The following CELF2 variants were observed in gnomAD, a reference collection of about 807,000 sequenced individuals.
The protein encoded by CELF2 is CUGBP Elav-like family member 2.
CELF2 carries 8 observed loss-of-function variants against 62.6 expected under a neutral mutation model. The observed-to-expected ratio is 0.13, with a 90% CI of 0.07 to 0.23. The LOEUF (loss-of-function observed/expected upper bound fraction) is 0.23, where lower values mean the gene tolerates loss of function less well. Ranked by LOEUF, CELF2 falls within the 10% of genes least tolerant of loss-of-function variation. The pLI is 1.00. For missense variants in CELF2, 333 were observed against 671.0 expected (o/e 0.50, Z 5.56); for synonymous variants, 258 against 250.0 (o/e 1.03, Z -0.30).
chr10:11,107,680 T>C (rs2399630), intron 1 of CELF2, among the ~76,000 whole-genome samples: 84,287 of 151,432 alleles, frequency 0.56, 24,198 homozygotes, highest in East Asian at 0.85. Context: ...ATCCGGTCCA[T>C]GTGTCACTTC....
intron 4 of CELF2, among the ~76,000 whole-genome samples, chr10:11,253,668 A>T (rs1239685098): frequency 2.0e-5 from 3 of 152,044 alleles, no homozygotes; most frequent in South Asian, 2.1e-4. Context: ...TTTTTTTTTT[A>T]AATGAAGTTT....
intron 1 of CELF2, among the ~76,000 whole-genome samples, chr10:10,858,411 C>T (rs1378817613): frequency 6.6e-6 from 1 of 152,164 alleles, no homozygotes; most frequent in Non-Finnish European, 1.5e-5. Context: ...TAGCGCATCA[C>T]ATGACCTAGG....
At chr10:11,116,633 G>T (rs140332949) in intron 1 of CELF2, among the ~76,000 whole-genome samples, 22 of 152,348 alleles carry the variant, frequency 1.4e-4, no homozygotes, top group African/African-American at 5.3e-4. Flanking sequence ...GTTCAGCGAA[G>T]TTGGTTGGAT....
chr10:11,320,956 G>A (rs2095409316), intron 10 of CELF2: 2 of 1,537,030 alleles, frequency 1.3e-6, no homozygotes, highest in Middle Eastern at 1.7e-4. Flanking sequence ...TCGTGCCACA[G>A]TGCATTTGAA....
At chr10:10,607,660 A>G in the CELF2 span, among the ~76,000 whole-genome samples, 4 of 152,352 alleles carry the variant, frequency 2.6e-5, no homozygotes, top group Admixed American at 2.6e-4. Context: ...GAGAAATAGA[A>G]AATGTAAAAT....
chr10:10,996,439 G>A (rs745322959), intron 2 of CELF2, among the ~76,000 whole-genome samples: 2 of 152,158 alleles, frequency 1.3e-5, no homozygotes, highest in African/African-American at 4.8e-5. Context: ...CTCTGTCCCC[G>A]CCTCCTTTCT....
rs527485788 is a variant in CELF2, at chr10:10,978,034, GT to G, written c.89+58041del. On this transcript the variant is annotated intron_variant, in intron 2 of 13. Coordinates refer to the CELF2 transcript ENST00000636488. ...GTGTTTTGGGTTTGGGTTTTTTTTT[GT>G]TTTTTGTTTTTTTTTTTCCAGAGAA... 8.2e-5 allele frequency among the ~76,000 whole-genome samples: 10 copies of G among 121,774 alleles called. 1 individual carries two copies. Among genetic ancestry groups the G allele is most frequent in the African/African-American group, 3.1e-4 (9 of 29,244 alleles). 79.9% of individuals were successfully genotyped at this position (121,774 alleles called of 152,430 possible).
At chr10:10,666,880 GAAA>G in the CELF2 span, among the ~76,000 whole-genome samples, 2 of 66,626 alleles carry the variant, frequency 3.0e-5, no homozygotes, top group Non-Finnish European at 5.6e-5. Context: ...AAAAAAAAAA[GAAA>G]AAAAAAAAGA....
At chr10:10,551,372 T>G in the CELF2 span, among the ~76,000 whole-genome samples, 81 of 152,212 alleles carry the variant, frequency 5.3e-4, no homozygotes, top group African/African-American at 1.9e-3. Flanking sequence ...GCATATCCTT[T>G]AGCCAGGAGA....
chr10:10,795,941 C>T (rs1028673960), upstream of CELF2, among the ~76,000 whole-genome samples: 5 of 152,132 alleles, frequency 3.3e-5, no homozygotes, highest in African/African-American at 4.8e-5. Flanking sequence ...CCATCCCTAT[C>T]CTGATCCTAA....
chr10:10,700,225 C>A, the CELF2 span, among the ~76,000 whole-genome samples: 2 of 152,072 alleles, frequency 1.3e-5, no homozygotes, highest in Non-Finnish European at 2.9e-5. Flanking sequence ...ATAAGAGACC[C>A]AATACAGGAA....
the CELF2 span, among the ~76,000 whole-genome samples, chr10:10,792,039 G>GAGAGAGGGAGGAAGGAAGGAGGA: frequency 6.9e-6 from 1 of 145,544 alleles, no homozygotes; most frequent in Non-Finnish European, 1.5e-5. Flanking sequence ...AGGAAGGAGG[G>GAGAGAGGGAGGAAGGAAGGAGGA]AGAGAGGGAG....
At chr10:10,670,256 C>T in the CELF2 span, among the ~76,000 whole-genome samples, 1 of 152,188 alleles carries the variant, frequency 6.6e-6, no homozygotes, top group East Asian at 1.9e-4. Flanking sequence ...GAATTAAACT[C>T]AACTGATTTT....
chr10:10,970,315 C>A (rs1240499439), intron 2 of CELF2, among the ~76,000 whole-genome samples: 1 of 152,166 alleles, frequency 6.6e-6, no homozygotes, highest in Admixed American at 6.5e-5. Flanking sequence ...GATCCGCCCA[C>A]CTCAGCCTCC....
intron 3 of CELF2, among the ~76,000 whole-genome samples, chr10:11,239,622 C>T (rs1280727497): frequency 6.6e-6 from 1 of 152,212 alleles, no homozygotes; most frequent in Non-Finnish European, 1.5e-5. Context: ...TTTATTTCCA[C>T]TGTAGTTTTT....
At chr10:10,655,072 A>G in the CELF2 span, among the ~76,000 whole-genome samples, 1 of 150,350 alleles carries the variant, frequency 6.7e-6, no homozygotes, top group Non-Finnish European at 1.5e-5. Flanking sequence ...TTATACACCA[A>G]CAACAGACAA....
At chr10:11,187,125 C>T (rs2075152464) in intron 2 of CELF2, among the ~76,000 whole-genome samples, 1 of 152,120 alleles carries the variant, frequency 6.6e-6, no homozygotes, top group Non-Finnish European at 1.5e-5. Flanking sequence ...CTTGTTCTAT[C>T]AGTTATTGAG....
chr10:11,013,645 C>T (rs970757341), upstream of CELF2, among the ~76,000 whole-genome samples: 1 of 152,040 alleles, frequency 6.6e-6, no homozygotes, highest in African/African-American at 2.4e-5. This position sits in a 1 kb window ranked among gnomAD's most constrained non-coding sequence, Gnocchi z 4.1. Context: ...CTTACTATTC[C>T]CTGAAAAAAT....
chr10:10,825,226 T>G (rs1448864256), intron 1 of CELF2, among the ~76,000 whole-genome samples: 2 of 152,184 alleles, frequency 1.3e-5, no homozygotes, highest in Non-Finnish European at 2.9e-5. Context: ...TGTTTTGTTT[T>G]TGAGACGGAG....
Sources: allele counts gnomAD v4.1 joint callset (sites outside exome capture counted in the v4.1 genomes callset), GRCh38; gene constraint gnomAD v4.1.1; non-coding constraint Gnocchi (gnomAD v3.1); transcripts MANE v1.5; gene names NCBI Gene and HGNC (gene_info 2026-07-23, HGNC 2026-07-21).